The following ZNF585A variants were observed in gnomAD, a reference collection of about 807,000 sequenced individuals.
ZNF585A encodes zinc finger protein 585A.
ZNF585A carries 9 observed loss-of-function variants against 14.9 expected under a neutral mutation model. The ratio of observed to expected loss-of-function variants is 0.60; its 90% CI spans 0.36 to 1.05. The LOEUF (loss-of-function observed/expected upper bound fraction) is 1.05. Ranked by LOEUF, ZNF585A falls within the 50% of genes least tolerant of loss-of-function variation. The pLI is 0.01. For missense variants in ZNF585A, 726 were observed against 926.4 expected (o/e 0.78, Z 2.81); for synonymous variants, 276 against 319.9 (o/e 0.86, Z 1.46).
intron 2 of ZNF585A, among the ~76,000 whole-genome samples, chr19:37,169,168 C>T (rs1240729498): frequency 6.6e-6 from 1 of 152,034 alleles, no homozygotes; most frequent in African/African-American, 2.4e-5. Context: ...TTTCCTAATA[C>T]ACTATCACAA....
In ZNF585A at chr19:37,151,613, G is replaced by C. The variant is rs1610559; in HGVS notation, c.2286C>G (p.Ser762Arg). The C allele has an allele frequency of 6.2e-7, 1 of 1,613,588 alleles. No homozygotes were observed. The highest frequency in any genetic ancestry group is 8.5e-7 in the Non-Finnish European group (1 of 1,179,656). ...GKGFVQKSVF[S>R]VHQSSHA ...CTCAAGCGTGGCTGCTCTGATGGAC[G>C]CTGAACACTGATTTCTGAACGAAGC... The change falls in exon 5 of 5, where the codon AGC becomes AGG. Residue 762 changes from serine (S) to arginine (R), a missense_variant. By Grantham distance (110) the Ser-to-Arg change is moderately radical. Coordinates refer to ENST00000292841, the MANE Select transcript of ZNF585A (RefSeq NM_001288800.2).
Position 37,152,729 on chromosome 19 carries a change from G to A in ZNF585A, c.1170C>T (p.Ala390=). 1 of 1,614,146 alleles carries A rather than the reference G, an allele frequency of 6.2e-7. No individual in the cohort carries two copies. The change falls in exon 5 of 5, where the codon GCC becomes GCT. Residue 390 remains alanine, a synonymous_variant. Transcript: ENST00000292841. The part of the protein sequence containing the change: ...KPYECSDCGK[A]FTQKSALTVH... Reference sequence around the variant, plus strand: ...CTGTGAGTGCTGACTTCTGAGTGAAGGCTTTCCCACAGTCACTGCATTCAT... The same window carrying A: ...CTGTGAGTGCTGACTTCTGAGTGAAAGCTTTCCCACAGTCACTGCATTCAT...
intron 2 of ZNF585A, among the ~76,000 whole-genome samples, chr19:37,169,426 A>C (rs1425752935): frequency 6.6e-6 from 1 of 151,426 alleles, no homozygotes; most frequent in Non-Finnish European, 1.5e-5. Flanking sequence ...TATCCGAAAA[A>C]CAGAAATGTA....
At chr19:37,153,700 T>A in intron 4 of ZNF585A, 94 bp from the exon 5 acceptor site, 1 of 1,134,408 alleles carries the variant, frequency 8.8e-7, no homozygotes, top group Non-Finnish European at 1.2e-6. Context: ...ATTATGACTG[T>A]ATAAATCTAA....
chr19:37,172,320 C>G (rs552557031), intron 1 of ZNF585A: 6 of 152,260 alleles, frequency 3.9e-5, no homozygotes, highest in African/African-American at 1.4e-4. Flanking sequence ...TTAAAGAAGA[C>G]TGAAAATTAA....
chr19:37,168,461 G>A (rs938631180), intron 2 of ZNF585A, among the ~76,000 whole-genome samples: 2 of 152,184 alleles, frequency 1.3e-5, no homozygotes, highest in Non-Finnish European at 1.5e-5. Flanking sequence ...AGACCACTCT[G>A]TCATTATACT....
At chr19:37,169,109 A>G (rs1176865777) in intron 2 of ZNF585A, among the ~76,000 whole-genome samples, 1 of 152,118 alleles carries the variant, frequency 6.6e-6, no homozygotes, top group Non-Finnish European at 1.5e-5. Flanking sequence ...CATTTTACCA[A>G]TATTATTTTT....
In ZNF585A at chr19:37,153,052, T is replaced by G. The variant is rs757172889; in HGVS notation, c.847A>C (p.Thr283Pro). The G allele has an allele frequency of 6.2e-7, 1 of 1,614,198 alleles. No individual in the cohort carries two copies. Among genetic ancestry groups the G allele is most frequent in the Non-Finnish European group, 8.5e-7 (1 of 1,180,032 alleles). ...ATTCTTCGGTGTGCAATCAAATGGG[T>G]CTTCTGGATGAAGGCCTGTCCGCAT... The part of the protein sequence containing the change: ...IECGQAFIQK[T>P]HLIAHRRIHT... The change falls in exon 5 of 5, where the codon ACC becomes CCC. Residue 283 changes from threonine (T) to proline (P), a missense_variant. Physicochemically the swap from Thr to Pro is conservative, Grantham distance 38. This residue lies in a region of ZNF585A where 483 missense variants were observed against 542.8 expected (regional missense o/e 0.89). Coordinates refer to ENST00000292841, the MANE Select transcript of ZNF585A (RefSeq NM_001288800.2).
At chr19:37,161,674 C>G (rs116525870) in intron 2 of ZNF585A, among the ~76,000 whole-genome samples, 2 of 152,286 alleles carry the variant, frequency 1.3e-5, no homozygotes, top group African/African-American at 4.8e-5. Context: ...CCTCAGTCAG[C>G]TCAGATGTGA....
chr19:37,150,848 T>C lies in ZNF585A; in HGVS notation c.*741A>G, dbSNP rs1310611878. The C allele has an allele frequency of 6.5e-6, 1 of 154,718 alleles. No homozygotes were observed. The highest frequency in any genetic ancestry group is 1.5e-5 in the Non-Finnish European group (1 of 68,278). 9.6% of individuals were successfully genotyped at this position (154,718 alleles called of 1,614,324 possible). On this transcript the variant is annotated 3_prime_UTR_variant, in exon 5 of 5. Coordinates refer to ENST00000292841, the MANE Select transcript of ZNF585A (RefSeq NM_001288800.2). ...TAAAATTCTTACCTCGGAAGCTTTCTTGAAGGTGATGGGAGTTCACAAGAC... is the reference window on the plus strand; with the variant it reads ...TAAAATTCTTACCTCGGAAGCTTTCCTGAAGGTGATGGGAGTTCACAAGAC...
chr19:37,147,205 C>A lies in ZNF585A; in HGVS notation c.*4384G>T, dbSNP rs1971754423. The A allele has an allele frequency of 6.6e-6, 1 of 152,098 alleles. No homozygotes were observed. The highest frequency in any genetic ancestry group is 2.4e-5 in the African/African-American group (1 of 41,382). The allele number at this position is 152,098 out of a possible 1,614,324, so 9.4% of individuals were successfully genotyped here. ...TAGTATTTGCAATGCAAATATCATA[C>A]AAAATAAGGGAGCAGCAAGTGAGCT... On this transcript the variant is annotated 3_prime_UTR_variant, in exon 5 of 5. Coordinates refer to ENST00000292841, the MANE Select transcript of ZNF585A (RefSeq NM_001288800.2).
chr19:37,160,505 C>T (rs894397950), intron 2 of ZNF585A, among the ~76,000 whole-genome samples: 4 of 151,680 alleles, frequency 2.6e-5, no homozygotes, highest in African/African-American at 4.8e-5. Context: ...GTAACACAAT[C>T]CAGTTATTAG....
In ZNF585A at chr19:37,151,045, C is replaced by G. The variant is rs899439251; in HGVS notation, c.*544G>C. 6 of 252,716 alleles carry G rather than the reference C, an allele frequency of 2.4e-5. No individual in the cohort carries two copies. Among genetic ancestry groups the G allele is most frequent in the East Asian group, 7.0e-5 (1 of 14,204 alleles). The allele number at this position is 252,716 out of a possible 1,614,324, so 15.7% of individuals were successfully genotyped here. On this transcript the variant is annotated 3_prime_UTR_variant, in exon 5 of 5. Transcript: ENST00000292841. Reference sequence around the variant, plus strand: ...TTTTTTCTTTTTTTTTTTGTAGCATCTCTTTCTTGATAGAAATACTGAATG... The same window carrying G: ...TTTTTTCTTTTTTTTTTTGTAGCATGTCTTTCTTGATAGAAATACTGAATG...
rs1266969527 is a variant in ZNF585A, at chr19:37,152,772, T to C, written c.1127A>G (p.His376Arg). The C allele has an allele frequency of 1.2e-6, 2 of 1,614,212 alleles. No homozygotes were observed. Among genetic ancestry groups the C allele is most frequent in the Non-Finnish European group, 1.7e-6 (2 of 1,180,030 alleles). The change falls in exon 5 of 5, where the codon CAC (histidine) becomes CGC (arginine). Residue 376 changes from histidine to arginine, a missense_variant. Around this residue, in one of 2 missense-constraint regions of ZNF585A, gnomAD observed 483 missense variants for 542.8 expected, o/e 0.89. Coordinates refer to ENST00000292841, the MANE Select transcript of ZNF585A (RefSeq NM_001288800.2). Reference sequence around the variant, plus strand: ...GCATTCATAAGGTTTCTCTCCAGTGTGAATTCTCTGATGAATAATCAACTC... The same window carrying C: ...GCATTCATAAGGTTTCTCTCCAGTGCGAATTCTCTGATGAATAATCAACTC... ...RSELIIHQRI[H>R]TGEKPYECSD... is the part of the protein sequence containing the mutation.
chr19:37,150,146 C>T lies in ZNF585A; in HGVS notation c.*1443G>A, dbSNP rs951023248. The T allele has an allele frequency of 1.3e-5, 2 of 150,748 alleles. No individual in the cohort carries two copies. Among genetic ancestry groups the T allele is most frequent in the African/African-American group, 2.4e-5 (1 of 40,884 alleles). The allele number at this position is 150,748 out of a possible 1,614,324, so 9.3% of individuals were successfully genotyped here. On this transcript the variant is annotated 3_prime_UTR_variant, in exon 5 of 5. Transcript: ENST00000292841. ...AGGGGACAGAAGAGGCTCCAAAATA[C>T]AGTTGGGAAATGTGGACATTATGGT...
intron 2 of ZNF585A, among the ~76,000 whole-genome samples, chr19:37,157,888 CTT>C (rs566034676): frequency 0.092 from 11,504 of 125,320 alleles, 1,180 homozygotes; most frequent in African/African-American, 0.27. Flanking sequence ...AGGAAAAGTT[CTT>C]TTTTTTTTTT....
At position 37,151,243 on chromosome 19, in the gene ZNF585A, C is replaced by T; in HGVS notation, c.*346G>A. The T allele has an allele frequency of 2.3e-6, 1 of 426,190 alleles. No homozygotes were observed. The highest frequency in any genetic ancestry group is 4.1e-6 in the Non-Finnish European group (1 of 241,506). The allele number at this position is 426,190 out of a possible 1,614,324, so 26.4% of individuals were successfully genotyped here. A position where few individuals can be genotyped will look rare whatever the true frequency, so the allele number is the denominator to read the frequency against. The stretch of plus-strand genomic sequence containing the variant: ...TCAATTTGTTGGCACTATACCTAAT[C>T]CACAGTAAACAGGATTATCGTTAAC... On this transcript the variant is annotated 3_prime_UTR_variant, in exon 5 of 5. Transcript: ENST00000292841.
chr19:37,154,141 A>G (rs1185610542), intron 4 of ZNF585A, among the ~76,000 whole-genome samples: 1 of 152,248 alleles, frequency 6.6e-6, no homozygotes, highest in African/African-American at 2.4e-5. Context: ...GAGGGTGAGT[A>G]ACGTGAAGAG....
intron 2 of ZNF585A, among the ~76,000 whole-genome samples, chr19:37,163,361 C>G (rs10417545): frequency 0.16 from 23,954 of 148,022 alleles, 2,048 homozygotes; most frequent in African/African-American, 0.23. Context: ...TTTACTAAAA[C>G]AATTAACTGC....
Sources: gnomAD v4.1 joint callset for allele counts (sites outside exome capture counted in the v4.1 genomes callset) on GRCh38, gnomAD v4.1.1 for gene constraint, gnomAD v4.1.1 regional missense constraint, MANE v1.5 for transcripts, NCBI Gene and HGNC (gene_info 2026-07-23, HGNC 2026-07-21) for gene names.